ADAMTS12: variants seen among roughly 807,000 people sequenced by gnomAD.
The protein encoded by ADAMTS12 is A disintegrin and metalloproteinase with thrombospondin motifs 12.
In ADAMTS12, 118 loss-of-function variants were observed where a neutral mutation model predicts 167.8. The ratio of observed to expected loss-of-function variants is 0.70; its 90% CI spans 0.61 to 0.82. The LOEUF (loss-of-function observed/expected upper bound fraction) is 0.82, where lower values mean the gene tolerates loss of function less well. Ranked by LOEUF, ADAMTS12 falls within the 40% of genes least tolerant of loss-of-function variation. The probability of loss-of-function intolerance (pLI) is 0.00; values close to 1 mark genes in which losing one functional copy is unlikely to be tolerated. For synonymous variants in ADAMTS12, 704 were observed against 716.9 expected (o/e 0.98, Z 0.29); for missense variants, 1,916 against 1,998.8 (o/e 0.96, Z 0.79).
At chr5:33,791,778 T>A (rs933288542) in intron 2 of ADAMTS12, among the ~76,000 whole-genome samples, 5 of 151,752 alleles carry the variant, frequency 3.3e-5, no homozygotes, top group Non-Finnish European at 7.4e-5. Flanking sequence ...TTCTTTTTTT[T>A]TTTTTGGCCT....
intron 2 of ADAMTS12, among the ~76,000 whole-genome samples, chr5:33,799,676 T>C (rs1436027466): frequency 6.6e-6 from 1 of 152,252 alleles, no homozygotes; most frequent in Non-Finnish European, 1.5e-5. Context: ...CACATTGTAC[T>C]GTATGTGCTT....
chr5:33,614,423 C>T (rs1164221205), intron 15 of ADAMTS12, 47 bp from the exon 16 acceptor site: 6 of 1,599,430 alleles, frequency 3.8e-6, no homozygotes, highest in Non-Finnish European at 5.1e-6. Flanking sequence ...GACTTTATAC[C>T]ATAAGCCAGT....
At position 33,595,997 on chromosome 5, in the gene ADAMTS12, C is replaced by T; in HGVS notation, c.2591G>A (p.Cys864Tyr). 6.2e-7 allele frequency: 1 copy of T among 1,614,104 alleles called. No individual in the cohort carries two copies. Among genetic ancestry groups the T allele is most frequent in the Non-Finnish European group, 8.5e-7 (1 of 1,179,988 alleles). ...CCCATTGGGCTGTGTTTCTGGGTCA[C>T]AGAATGTAGCTTTCACCATCCCGCG... ...KGRGMVKATF[C>Y]DPETQPNGRQ... The change falls in exon 17 of 24, where the codon TGT becomes TAT. Residue 864 changes from cysteine (C) to tyrosine (Y), a missense_variant. By Grantham distance (194) the Cys-to-Tyr change is radical. Transcript: ENST00000504830.
chr5:33,692,050 G>T (rs1034295860), intron 3 of ADAMTS12, among the ~76,000 whole-genome samples: 1 of 152,206 alleles, frequency 6.6e-6, no homozygotes, highest in African/African-American at 2.4e-5. Context: ...GAGGCAATTT[G>T]TGCCTTCCTT....
intron 2 of ADAMTS12, chr5:33,880,901 C>T: frequency 1.7e-6 from 1 of 589,054 alleles, no homozygotes; most frequent in Non-Finnish European, 2.8e-6. Context: ...TGTCTGCCTC[C>T]TCTGAACCCT....
intron 15 of ADAMTS12, 29 bp downstream of exon 15, chr5:33,615,799 G>T (rs10057235): frequency 1.2e-6 from 2 of 1,612,798 alleles, no homozygotes; most frequent in African/African-American, 2.7e-5. Context: ...TAGCACACAT[G>T]TCAGCAGTTT....
intron 2 of ADAMTS12, among the ~76,000 whole-genome samples, chr5:33,787,253 G>C (rs761148042): frequency 1.3e-5 from 2 of 152,178 alleles, no homozygotes; most frequent in Non-Finnish European, 2.9e-5. Flanking sequence ...AAAAAGATCA[G>C]ATTGCTGATG....
intron 3 of ADAMTS12, among the ~76,000 whole-genome samples, chr5:33,698,580 G>T (rs753857402): frequency 6.6e-6 from 1 of 152,218 alleles, no homozygotes; most frequent in Middle Eastern, 3.4e-3. Flanking sequence ...TAACACAGTA[G>T]TTGCTTCTTC....
chr5:33,844,773 T>TA (rs1271279401), intron 2 of ADAMTS12, among the ~76,000 whole-genome samples: 2 of 152,144 alleles, frequency 1.3e-5, no homozygotes, highest in Non-Finnish European at 2.9e-5. Context: ...AAATCACTAA[T>TA]AAAAACTTGC....
intron 7 of ADAMTS12, among the ~76,000 whole-genome samples, chr5:33,655,674 A>G (rs1282643866): frequency 6.7e-6 from 1 of 150,036 alleles, no homozygotes; most frequent in Admixed American, 6.7e-5. Flanking sequence ...AAGTTCTGGG[A>G]TAATGTGCAG....
At chr5:33,616,471 T>C (rs1044191290) in intron 14 of ADAMTS12, among the ~76,000 whole-genome samples, 1 of 152,326 alleles carries the variant, frequency 6.6e-6, no homozygotes, top group Middle Eastern at 3.4e-3. Flanking sequence ...TTCCTGAACA[T>C]TGCATTGGAT....
intron 3 of ADAMTS12, among the ~76,000 whole-genome samples, chr5:33,743,854 A>G (rs1744689261): frequency 6.6e-6 from 1 of 152,008 alleles, no homozygotes; most frequent in Admixed American, 6.6e-5. Flanking sequence ...ACAAGTCACA[A>G]CCCTTGCCAC....
At chr5:33,774,569 CTTGACCT>C (rs1285225702) in intron 2 of ADAMTS12, among the ~76,000 whole-genome samples, 1 of 152,158 alleles carries the variant, frequency 6.6e-6, no homozygotes, top group African/African-American at 2.4e-5. Flanking sequence ...TCCAATTACC[CTTGACCT>C]TTGATGAGAG....
At chr5:33,644,283 C>T (rs557630294) in intron 9 of ADAMTS12, among the ~76,000 whole-genome samples, 34 of 152,296 alleles carry the variant, frequency 2.2e-4, no homozygotes, top group African/African-American at 8.2e-4. Context: ...CTTTGTGTTT[C>T]AACCTCACTT....
At chr5:33,680,902 A>G (rs1161239470) in intron 5 of ADAMTS12, among the ~76,000 whole-genome samples, 2 of 152,152 alleles carry the variant, frequency 1.3e-5, no homozygotes, top group African/African-American at 2.4e-5. Flanking sequence ...CATCTTCAGA[A>G]TTATCTTCTC....
chr5:33,590,612 G>C (rs908337950), intron 17 of ADAMTS12, among the ~76,000 whole-genome samples: 1 of 152,122 alleles, frequency 6.6e-6, no homozygotes, highest in Non-Finnish European at 1.5e-5. Context: ...CCAATCTCCA[G>C]AACTGTGAGA....
At chr5:33,677,644 T>C (rs1741968496) in intron 5 of ADAMTS12, among the ~76,000 whole-genome samples, 1 of 152,182 alleles carries the variant, frequency 6.6e-6, no homozygotes, top group African/African-American at 2.4e-5. Flanking sequence ...ATTTGGGCCA[T>C]AAAATGAAAA....
At chr5:33,594,193 T>C (rs1267256415) in intron 17 of ADAMTS12, among the ~76,000 whole-genome samples, 1 of 152,194 alleles carries the variant, frequency 6.6e-6, no homozygotes, top group Non-Finnish European at 1.5e-5. Context: ...CTCATGAGAT[T>C]TGATGGCTTT....
intron 2 of ADAMTS12, among the ~76,000 whole-genome samples, chr5:33,755,377 T>C (rs1255714141): frequency 2.0e-5 from 3 of 152,224 alleles, no homozygotes; most frequent in Non-Finnish European, 2.9e-5. Context: ...AGCTGGTATT[T>C]GACCTCCACT....
Sources: gnomAD v4.1 joint callset for allele counts (sites outside exome capture counted in the v4.1 genomes callset) on GRCh38, gnomAD v4.1.1 for gene constraint, MANE v1.5 for transcripts, NCBI Gene and HGNC (gene_info 2026-07-23, HGNC 2026-07-21) for gene names.